The following EFNA5 variants were observed in gnomAD, a reference collection of about 807,000 sequenced individuals.
EFNA5 encodes ephrin A5.
In EFNA5, 5 loss-of-function variants were observed where a neutral mutation model predicts 22.9. The ratio of observed to expected loss-of-function variants is 0.22; its 90% CI spans 0.11 to 0.46. The LOEUF is 0.46. EFNA5 is among the 20% of genes least tolerant of loss of function. The pLI, the probability that EFNA5 is intolerant of heterozygous loss-of-function variation, is 0.99. For missense variants in EFNA5, 237 were observed against 293.3 expected, an observed-to-expected ratio of 0.81 and a Z score of 1.40; for synonymous variants, 113 against 112.2, an observed-to-expected ratio of 1.01 and a Z score of -0.04.
At chr5:107,594,939 G>C (rs1426066308) in intron 1 of EFNA5, among the ~76,000 whole-genome samples, 3 of 152,150 alleles carry the variant, frequency 2.0e-5, no homozygotes, top group Non-Finnish European at 4.4e-5. Flanking sequence ...GCGGCTAAGT[G>C]GGTGTGCCAC....
intron 1 of EFNA5, among the ~76,000 whole-genome samples, chr5:107,585,927 C>T (rs1187874285): frequency 1.3e-5 from 2 of 152,116 alleles, no homozygotes; most frequent in African/African-American, 4.8e-5. Flanking sequence ...ATGTTTAATG[C>T]TGCTTTGGAT....
intron 1 of EFNA5, among the ~76,000 whole-genome samples, chr5:107,596,466 T>G (rs889968086): frequency 5.9e-5 from 9 of 152,162 alleles, no homozygotes; most frequent in Non-Finnish European, 8.8e-5. Context: ...GTGGATAATA[T>G]TCCATGGTAT....
rs143776972 is a variant in EFNA5, at chr5:107,421,406, C to G, written c.418+5811G>C. 8.8e-4 allele frequency among the ~76,000 whole-genome samples: 134 copies of G among 152,256 alleles called. 1 individual carries two copies. The highest frequency in any genetic ancestry group is 2.7e-3 in the African/African-American group (114 of 41,546). The stretch of plus-strand genomic sequence containing the variant: ...ATTATAGATCTCTCATTAAAACATA[C>G]TAATTCCTGAATCAAGTGTGCAATC... On this transcript the variant is annotated intron_variant, in intron 2 of 4. Transcript: ENST00000333274.
At chr5:107,572,462 T>G (rs1463016685) in intron 1 of EFNA5, among the ~76,000 whole-genome samples, 1 of 152,148 alleles carries the variant, frequency 6.6e-6, no homozygotes, top group Non-Finnish European at 1.5e-5. Context: ...GTGAGAAGTT[T>G]AGAAAGCTAG....
At chr5:107,568,846 T>A (rs577426530) in intron 1 of EFNA5, among the ~76,000 whole-genome samples, 1 of 152,328 alleles carries the variant, frequency 6.6e-6, no homozygotes, top group East Asian at 1.9e-4. Context: ...AAAATTATCA[T>A]AAGCCCTCCA....
intron 1 of EFNA5, among the ~76,000 whole-genome samples, chr5:107,514,679 T>C (rs191311063): frequency 1.3e-5 from 2 of 152,218 alleles, no homozygotes. Flanking sequence ...AAAATTATTC[T>C]TCAAAGGAGG....
intron 1 of EFNA5, among the ~76,000 whole-genome samples, chr5:107,643,908 C>A (rs1750578801): frequency 6.6e-6 from 1 of 151,550 alleles, no homozygotes; most frequent in Admixed American, 6.6e-5. Context: ...ATAAAGGCAG[C>A]ACATGGCTAG....
chr5:107,508,208 G>A (rs1747291503), intron 1 of EFNA5, among the ~76,000 whole-genome samples: 1 of 152,198 alleles, frequency 6.6e-6, no homozygotes, highest in African/African-American at 2.4e-5. Context: ...CTGTGGAACT[G>A]TGAGCCAAGT....
chr5:107,448,045 C>T (rs1749442102), intron 1 of EFNA5, among the ~76,000 whole-genome samples: 1 of 152,084 alleles, frequency 6.6e-6, no homozygotes, highest in Admixed American at 6.6e-5. Flanking sequence ...ATCCACCCAC[C>T]TCAGCCTCCC....
intron 1 of EFNA5, among the ~76,000 whole-genome samples, chr5:107,482,818 CTCTCTCTGTCTCTG>C (rs1210815858): frequency 0.016 from 1,246 of 79,256 alleles, 7 homozygotes; most frequent in East Asian, 0.096. Context: ...CTCTCTGTCT[CTCTCTCTGTCTCTG>C]TCTCTCTCTC....
At chr5:107,391,305 C>T (rs252819) in intron 2 of EFNA5, among the ~76,000 whole-genome samples, 122,215 of 152,166 alleles carry the variant, frequency 0.8, 49,483 homozygotes, top group African/African-American at 0.83. Flanking sequence ...CACAGTTTAG[C>T]GTACCTGGAG....
At chr5:107,392,751 G>A (rs1053207625) in intron 2 of EFNA5, among the ~76,000 whole-genome samples, 1 of 152,186 alleles carries the variant, frequency 6.6e-6, no homozygotes, top group African/African-American at 2.4e-5. Flanking sequence ...AAGACACTCT[G>A]GCATGTTCTG....
chr5:107,603,660 G>C (rs981600766), intron 1 of EFNA5, among the ~76,000 whole-genome samples: 1 of 152,112 alleles, frequency 6.6e-6, no homozygotes, highest in Non-Finnish European at 1.5e-5. Flanking sequence ...TCCCATGCTT[G>C]GTAAAGTACG....
At chr5:107,655,025 T>G (rs949539198) in intron 1 of EFNA5, among the ~76,000 whole-genome samples, 4 of 150,222 alleles carry the variant, frequency 2.7e-5, no homozygotes, top group African/African-American at 9.8e-5. Context: ...AAAAAAAAAA[T>G]GCTGAGTAAG....
At chr5:107,626,469 T>G (rs1007818221) in intron 1 of EFNA5, among the ~76,000 whole-genome samples, 16 of 152,088 alleles carry the variant, frequency 1.1e-4, no homozygotes, top group Non-Finnish European at 1.5e-4. Context: ...TTTTTAGAGA[T>G]GGGATATCTC....
intron 1 of EFNA5, among the ~76,000 whole-genome samples, chr5:107,663,088 C>A (rs1030295703): frequency 6.6e-6 from 1 of 151,884 alleles, no homozygotes; most frequent in African/African-American, 2.4e-5. Flanking sequence ...AATAAGATAG[C>A]GCTTTAAATG....
At chr5:107,524,513 T>C (rs114087805) in intron 1 of EFNA5, among the ~76,000 whole-genome samples, 6,700 of 152,284 alleles carry the variant, frequency 0.044, 462 homozygotes, top group African/African-American at 0.15. Flanking sequence ...ATCTACTATT[T>C]ACTCCACTAA....
chr5:107,426,986 G>A, intron 2 of EFNA5: 1 of 506,154 alleles, frequency 2.0e-6, no homozygotes, highest in Non-Finnish European at 3.5e-6. Context: ...GTCAGCAGTG[G>A]TTCAGTGAAC....
At chr5:107,484,476 A>G (rs564886655) in intron 1 of EFNA5, among the ~76,000 whole-genome samples, 31 of 152,324 alleles carry the variant, frequency 2.0e-4, no homozygotes, top group African/African-American at 6.5e-4. Context: ...GACGTTTTGC[A>G]TGTTGGCACA....
Sources: allele counts gnomAD v4.1 joint callset (sites outside exome capture counted in the v4.1 genomes callset), GRCh38; gene constraint gnomAD v4.1.1; transcripts MANE v1.5; gene names NCBI Gene and HGNC (gene_info 2026-07-23, HGNC 2026-07-21).